Variants in RBFOX1 observed in about 807,000 individuals in gnomAD.
The protein encoded by RBFOX1 is RNA binding protein fox-1 homolog 1.
Under a neutral mutation model 57.7 loss-of-function variants are expected in RBFOX1, and 8 were observed. That is an observed-to-expected ratio of 0.14 (90% CI 0.08 to 0.25). The LOEUF (loss-of-function observed/expected upper bound fraction) is 0.25. Among genes scored for constraint, RBFOX1 ranks in the 10% least tolerant of loss-of-function variants. RBFOX1 has a pLI of 1.00. For synonymous variants in RBFOX1, 326 were observed against 222.4 expected (o/e 1.47, Z -4.15); for missense variants, 611 against 548.5 (o/e 1.11, Z -1.14).
intron 1 of RBFOX1, among the ~76,000 whole-genome samples, chr16:5,287,668 G>A (rs1272774162): frequency 2.0e-5 from 3 of 152,186 alleles, no homozygotes. Context: ...TCTTCCGCTG[G>A]AAGCTGCAGG....
At chr16:5,908,281 T>TATACATACACACAC (rs1567134130) in intron 4 of RBFOX1, among the ~76,000 whole-genome samples, 1 of 142,338 alleles carries the variant, frequency 7.0e-6, no homozygotes, top group Non-Finnish European at 1.5e-5. Context: ...TATACATACA[T>TATACATACACACAC]ATATATACAC....
chr16:7,012,474 C>G (rs1259113804), intron 3 of RBFOX1, among the ~76,000 whole-genome samples: 1 of 152,148 alleles, frequency 6.6e-6, no homozygotes, highest in Non-Finnish European at 1.5e-5. Flanking sequence ...TCGCATCTGT[C>G]TCATTTCCCA....
chr16:6,471,641 G>A (rs866301478), intron 2 of RBFOX1, among the ~76,000 whole-genome samples: 18 of 151,774 alleles, frequency 1.2e-4, no homozygotes, highest in African/African-American at 4.4e-4. Flanking sequence ...CTCAGTATTG[G>A]GATTGTATTT....
chr16:5,497,939 C>T (rs1056191341), intron 2 of RBFOX1, among the ~76,000 whole-genome samples: 2 of 151,948 alleles, frequency 1.3e-5, no homozygotes, highest in African/African-American at 4.8e-5. Flanking sequence ...GAAGAGCTTG[C>T]CATGGAGAGA....
intron 1 of RBFOX1, among the ~76,000 whole-genome samples, chr16:6,200,338 A>G (rs977184179): frequency 6.6e-6 from 1 of 152,078 alleles, no homozygotes; most frequent in Non-Finnish European, 1.5e-5. Flanking sequence ...CCCGAAAGAG[A>G]GCAGTTTTAA....
intron 3 of RBFOX1, among the ~76,000 whole-genome samples, chr16:6,980,935 C>A (rs1041969135): frequency 1.3e-5 from 2 of 149,096 alleles, no homozygotes; most frequent in Non-Finnish European, 3.0e-5. Flanking sequence ...CCCAATTAAT[C>A]GGGAGTCTGA....
rs1596899671 is a variant in RBFOX1, at chr16:7,631,211, C to G, written c.757+528C>G. On this transcript the variant is annotated intron_variant, in intron 11 of 15. Coordinates refer to ENST00000550418, the MANE Select transcript of RBFOX1 (RefSeq NM_018723.4). ...GGAGCAGAGAGAGAAATGTGGTTCC[C>G]CCCTCATTTAATCAAGTGCAGGGGC... is the stretch of plus-strand genomic sequence containing the variant. 3.3e-5 allele frequency among the ~76,000 whole-genome samples: 5 copies of G among 152,158 alleles called. No individual in the cohort carries two copies. The South Asian group carries it at 8.3e-4, about 25-fold the overall frequency.
At chr16:5,402,678 G>T (rs1166229972) in intron 1 of RBFOX1, among the ~76,000 whole-genome samples, 2 of 151,852 alleles carry the variant, frequency 1.3e-5, no homozygotes, top group African/African-American at 4.8e-5. Context: ...TATTTTACTT[G>T]CTGCTGCAAG....
chr16:6,697,143 G>C (rs190315223), intron 3 of RBFOX1, among the ~76,000 whole-genome samples: 2 of 152,300 alleles, frequency 1.3e-5, no homozygotes, highest in Admixed American at 6.5e-5. Flanking sequence ...TTCAGGGATT[G>C]ACTAGAGAAA....
chr16:6,702,361 C>A (rs964320494), intron 3 of RBFOX1, among the ~76,000 whole-genome samples: 1 of 152,184 alleles, frequency 6.6e-6, no homozygotes, highest in Non-Finnish European at 1.5e-5. Flanking sequence ...CAAGACCAGA[C>A]TGGCCAACAT....
chr16:6,653,980 G>GATGC (rs2098625160), intron 2 of RBFOX1, among the ~76,000 whole-genome samples: 1 of 134,700 alleles, frequency 7.4e-6, no homozygotes, highest in African/African-American at 2.6e-5. Context: ...CGGATGGATG[G>GATGC]ATGGATGGAT....
chr16:7,110,474 C>G (rs548909434), intron 4 of RBFOX1, among the ~76,000 whole-genome samples: 2 of 152,148 alleles, frequency 1.3e-5, no homozygotes, highest in Admixed American at 1.3e-4. Context: ...CCAATTAACA[C>G]AGGGCTCCGG....
In RBFOX1 at chr16:5,553,246, C is replaced by T. The variant is rs545344469; in HGVS notation, c.259-45656C>T. ...TATATACCTATGTATCAAACCTGCACCTTGTACACATGTACCCTAGAACTT... is the reference window on the plus strand; with the variant it reads ...TATATACCTATGTATCAAACCTGCATCTTGTACACATGTACCCTAGAACTT... On this transcript the variant is annotated intron_variant, in intron 2 of 2. Transcript: ENST00000585867. Among the ~76,000 whole-genome samples, 139 of 151,824 alleles carry T rather than the reference C, an allele frequency of 9.2e-4. 1 individual carries two copies. The highest frequency in any genetic ancestry group is 3.2e-3 in the African/African-American group (132 of 41,376).
chr16:5,694,793 GTTTGTT>G (rs141188870), intron 3 of RBFOX1, among the ~76,000 whole-genome samples: 2 of 150,164 alleles, frequency 1.3e-5, no homozygotes, highest in East Asian at 4.0e-4. Flanking sequence ...GGGGAGTTGG[GTTTGTT>G]TTTGTTTTTG....
intron 4 of RBFOX1, among the ~76,000 whole-genome samples, chr16:7,375,867 A>T (rs2097676930): frequency 6.6e-6 from 1 of 152,214 alleles, no homozygotes; most frequent in African/African-American, 2.4e-5. Context: ...TGGGAAAAGT[A>T]ATCTTTGATA....
At position 7,189,380 on chromosome 16, in the gene RBFOX1, C is replaced by G. The variant is rs913178223; in HGVS notation, c.27+137282C>G. 8.2e-4 allele frequency among the ~76,000 whole-genome samples: 117 copies of G among 142,010 alleles called. 1 individual carries two copies. The highest frequency in any genetic ancestry group is 3.0e-3 in the African/African-American group (116 of 38,656). The allele number at this position is 142,010 out of a possible 152,430, so 93.2% of individuals were successfully genotyped here. ...GGTGGAGCTTGCAGTGAGCTGAGATCGCGCCACTGCACTCCAGCCTGGGCG... is the reference window on the plus strand; with the variant it reads ...GGTGGAGCTTGCAGTGAGCTGAGATGGCGCCACTGCACTCCAGCCTGGGCG... On this transcript the variant is annotated intron_variant, in intron 4 of 15. Transcript: ENST00000550418.
chr16:6,533,596 T>C (rs935834923), intron 2 of RBFOX1, among the ~76,000 whole-genome samples: 3 of 152,106 alleles, frequency 2.0e-5, no homozygotes, highest in Non-Finnish European at 4.4e-5. Flanking sequence ...TTTTTTTTTT[T>C]CCTTGAAAAA....
intron 3 of RBFOX1, chr16:7,003,958 C>A (rs1596631835): frequency 6.7e-6 from 1 of 148,244 alleles, no homozygotes; most frequent in African/African-American, 2.5e-5. Context: ...TTTAAAAAAA[C>A]ATCCCATTTT....
At chr16:5,488,206 G>GATT (rs2042699450) in intron 2 of RBFOX1, among the ~76,000 whole-genome samples, 1 of 61,076 alleles carries the variant, frequency 1.6e-5, no homozygotes, top group Non-Finnish European at 4.2e-5. Flanking sequence ...TGATGATGAT[G>GATT]GTGGAAGATG....
Sources: gnomAD v4.1 joint callset for allele counts (sites outside exome capture counted in the v4.1 genomes callset) on GRCh38, gnomAD v4.1.1 for gene constraint, MANE v1.5 for transcripts, NCBI Gene and HGNC (gene_info 2026-07-23, HGNC 2026-07-21) for gene names.